The following ERICH1 variants were observed in gnomAD, a reference collection of about 807,000 sequenced individuals.
ERICH1 encodes glutamate-rich protein 1.
In ERICH1, 56 loss-of-function variants were observed where a neutral mutation model predicts 39.6. That is an observed-to-expected ratio of 1.41 (90% confidence interval 1.14 to 1.77). ERICH1 has a LOEUF of 1.77. Ranked by LOEUF, ERICH1 falls within the 40% of genes most tolerant of loss-of-function variation. ERICH1 has a pLI of 0.00. For missense variants in ERICH1, 826 were observed against 575.4 expected, an observed-to-expected ratio of 1.44 and a Z score of -4.45; for synonymous variants, 313 against 223.6, an observed-to-expected ratio of 1.40 and a Z score of -3.57.
At chr8:713,644 A>G (rs546739120) in intron 2 of ERICH1, among the ~76,000 whole-genome samples, 7 of 152,244 alleles carry the variant, frequency 4.6e-5, no homozygotes, top group African/African-American at 1.7e-4. Context: ...ACAGAATATT[A>G]CGTCTGTGGG....
intron 2 of ERICH1, 22 bp downstream of exon 2, chr8:715,839 C>A (rs1430372560): frequency 6.3e-7 from 1 of 1,596,872 alleles, no homozygotes; most frequent in Non-Finnish European, 8.5e-7. Flanking sequence ...TGAGACCCAC[C>A]CACATCTGCA....
Position 656,384 on chromosome 8 carries a change from G to A in ERICH1, c.976+12214C>T, listed in dbSNP as rs924001584. Among the ~76,000 whole-genome samples the A allele has an allele frequency of 3.1e-4, 47 of 152,156 alleles. 1 individual carries two copies. The highest frequency in any genetic ancestry group is 1.5e-3 in the Admixed American group (23 of 15,272). On this transcript the variant is annotated intron_variant, in intron 3 of 3. Transcript: ENST00000522706. The stretch of plus-strand genomic sequence containing the variant: ...ACCCAGTGATTTTAACATCCGGATC[G>A]TCCTTGTTGGGTTTGGTTATTATTC...
In ERICH1 at chr8:652,155, C is replaced by T. The variant is rs1014144089; in HGVS notation, c.976+16443G>A. On this transcript the variant is annotated intron_variant, in intron 3 of 3. Transcript: ENST00000522706. The stretch of plus-strand genomic sequence containing the variant: ...GCCCTGGTGCTCCATGCCACCCCAT[C>T]GACGCCTTCCCTGAACTCACCCTGC... Among the ~76,000 whole-genome samples the T allele has an allele frequency of 6.6e-5, 10 of 152,318 alleles. 1 individual carries two copies. Among genetic ancestry groups the T allele is most frequent in the Middle Eastern group, 3.4e-3 (1 of 294 alleles).
chr8:615,248 C>T (rs1027375624), exon 4 of ERICH1: 13 of 697,316 alleles, frequency 1.9e-5, no homozygotes, highest in Middle Eastern at 2.3e-4. Context: ...TCTCTTTCCT[C>T]TTCTTATTTT....
At chr8:628,587 A>G (rs1178203048) in intron 3 of ERICH1, among the ~76,000 whole-genome samples, 1 of 152,110 alleles carries the variant, frequency 6.6e-6, no homozygotes, top group East Asian at 1.9e-4. Context: ...GCCTTCTGGA[A>G]CTCCTGGGGT....
At chr8:684,401 T>C (rs529768352) in intron 3 of ERICH1, among the ~76,000 whole-genome samples, 1 of 152,254 alleles carries the variant, frequency 6.6e-6, no homozygotes, top group African/African-American at 2.4e-5. Flanking sequence ...ATAGAGTAAA[T>C]GTATCCACAA....
Position 715,735 on chromosome 8 carries a change from T to C in ERICH1, c.169+126A>G, listed in dbSNP as rs939650521. 9.1e-6 allele frequency: 12 copies of C among 1,321,448 alleles called. No individual in the cohort carries two copies. In the African/African-American group the frequency reaches 1.6e-4, roughly 18 times the overall value. 81.9% of individuals were successfully genotyped at this position (1,321,448 alleles called of 1,614,324 possible). ...AGCGATGCCTGCCCTGCCCACCTGC[T>C]GCAGGCCCTCTGCAGACCTGCAGAC... On this transcript the variant is annotated intron_variant, in intron 2 of 5. Transcript: ENST00000262109.
intron 4 of ERICH1, among the ~76,000 whole-genome samples, chr8:669,811 G>A (rs1802882416): frequency 1.3e-5 from 2 of 152,240 alleles, no homozygotes; most frequent in African/African-American, 4.8e-5. Context: ...CTGGCTGCTG[G>A]TCTTGTTTCT....
Position 673,802 on chromosome 8 carries a change from C to T in ERICH1, c.550G>A (p.Ala184Thr), listed in dbSNP as rs200418634. ...GGCTGGTACATGAAACTGACACCAG[C>T]AGCCTTTGCTGCCAAGCCGGCTGCT... ...KKAAGLAAKA[A>T]GVSFMYQPED... is the part of the protein sequence containing the mutation. Residue 184 changes from alanine (A) to threonine (T), a missense_variant, in exon 4 of 6, where the codon GCT becomes ACT. Transcript: ENST00000262109. 17 of 1,614,218 alleles carry T rather than the reference C, an allele frequency of 1.1e-5. No individual in the cohort carries two copies. Among genetic ancestry groups the T allele is most frequent in the Non-Finnish European group, 1.4e-5 (16 of 1,180,048 alleles).
At chr8:642,105 G>T (rs994302125) in intron 3 of ERICH1, among the ~76,000 whole-genome samples, 1 of 152,116 alleles carries the variant, frequency 6.6e-6, no homozygotes, top group African/African-American at 2.4e-5. Context: ...TTTCACTTTG[G>T]GTGAGCACAT....
chr8:670,015 G>T (rs1585155933), intron 4 of ERICH1, among the ~76,000 whole-genome samples: 1 of 152,020 alleles, frequency 6.6e-6, no homozygotes, highest in African/African-American at 2.4e-5. Context: ...CCTGTTTCAG[G>T]GACACAACTT....
downstream of ERICH1, among the ~76,000 whole-genome samples, chr8:661,738 A>C (rs1801451770): frequency 6.6e-6 from 1 of 152,224 alleles, no homozygotes; most frequent in African/African-American, 2.4e-5. Flanking sequence ...AATCAGAATG[A>C]TACACAAAAC....
At chr8:670,342 C>T (rs551523241) in intron 4 of ERICH1, among the ~76,000 whole-genome samples, 88 of 152,204 alleles carry the variant, frequency 5.8e-4, no homozygotes, top group African/African-American at 2.1e-3. Context: ...CTTTTTTTCT[C>T]GTGGTTTTCG....
At chr8:618,738 A>C (rs1797093438) in intron 3 of ERICH1, among the ~76,000 whole-genome samples, 1 of 152,188 alleles carries the variant, frequency 6.6e-6, no homozygotes, top group South Asian at 2.1e-4. Context: ...AATTGTGCTT[A>C]AACCTGGTGT....
intron 2 of ERICH1, 118 bp downstream of exon 2, chr8:715,743 C>A: frequency 1.5e-6 from 2 of 1,356,132 alleles, no homozygotes; most frequent in South Asian, 1.4e-5. Context: ...GCTGCAGGCC[C>A]TCTGCAGACC....
intron 5 of ERICH1, 151 bp from the exon 6 acceptor site, chr8:664,827 G>C (rs1801946898): frequency 1.3e-5 from 8 of 603,256 alleles, no homozygotes; most frequent in Non-Finnish European, 2.0e-5. Flanking sequence ...GATGTTGAAA[G>C]TGACACATTA....
chr8:676,648 G>A (rs1804891102), intron 3 of ERICH1, among the ~76,000 whole-genome samples: 1 of 152,204 alleles, frequency 6.6e-6, no homozygotes, highest in African/African-American at 2.4e-5. Context: ...ACGGCACATG[G>A]CGCACACGCC....
At chr8:688,318 A>AC (rs1178217853) in intron 3 of ERICH1, among the ~76,000 whole-genome samples, 1 of 17,850 alleles carries the variant, frequency 5.6e-5, no homozygotes, top group Non-Finnish European at 1.1e-4. Flanking sequence ...GCCCCGGGCC[A>AC]CCCCACCTCG....
intron 3 of ERICH1, among the ~76,000 whole-genome samples, chr8:644,266 G>A (rs1258918220): frequency 6.6e-6 from 1 of 152,240 alleles, no homozygotes; most frequent in African/African-American, 2.4e-5. Context: ...GGGCTTCAGG[G>A]CTCCTGCAGA....
Sources: gnomAD v4.1 joint callset for allele counts (sites outside exome capture counted in the v4.1 genomes callset) on GRCh38, gnomAD v4.1.1 for gene constraint, MANE v1.5 for transcripts, NCBI Gene and HGNC (gene_info 2026-07-23, HGNC 2026-07-21) for gene names.